CMTM8: variants seen among roughly 807,000 people sequenced by gnomAD.
CMTM8 encodes CKLF-like MARVEL transmembrane domain-containing protein 8.
CMTM8 carries 12 observed loss-of-function variants against 18.6 expected under a neutral mutation model. That is an observed-to-expected ratio of 0.65 (90% confidence interval 0.41 to 1.05). The LOEUF is 1.05. Among genes scored for constraint, CMTM8 ranks in the 50% least tolerant of loss-of-function variants. CMTM8 has a pLI of 0.00. For synonymous variants in CMTM8, 87 were observed against 90.6 expected, an observed-to-expected ratio of 0.96 and a Z score of 0.23; for missense variants, 217 against 227.2, an observed-to-expected ratio of 0.95 and a Z score of 0.29.
At chr3:32,328,232 C>T (rs962316633) in intron 1 of CMTM8, among the ~76,000 whole-genome samples, 1 of 151,804 alleles carries the variant, frequency 6.6e-6, no homozygotes, top group African/African-American at 2.4e-5. Flanking sequence ...AAAAAATTAG[C>T]CAGGTATGGT....
intron 2 of CMTM8, among the ~76,000 whole-genome samples, chr3:32,364,808 C>A (rs1250104925): frequency 6.6e-6 from 1 of 152,220 alleles, no homozygotes; most frequent in Non-Finnish European, 1.5e-5. Flanking sequence ...CATTATCCCC[C>A]ACTATCCATT....
chr3:32,259,513 C>A, intron 1 of CMTM8: 1 of 780,844 alleles, frequency 1.3e-6, no homozygotes, highest in Non-Finnish European at 2.3e-6. Context: ...TTGATGACAC[C>A]AATGTCACTC....
intron 1 of CMTM8, among the ~76,000 whole-genome samples, chr3:32,305,910 C>T (rs1406890202): frequency 6.6e-6 from 1 of 152,190 alleles, no homozygotes; most frequent in Non-Finnish European, 1.5e-5. Context: ...TAAGATATCT[C>T]ATTCAGTTCT....
chr3:32,340,448 G>A (rs184250340), intron 1 of CMTM8, among the ~76,000 whole-genome samples: 11 of 152,360 alleles, frequency 7.2e-5, no homozygotes, highest in Admixed American at 3.3e-4. Flanking sequence ...CTCCAGGAAA[G>A]AGGTATACTC....
rs79613760 is a variant in CMTM8 at position 32,336,461 on chromosome 3, G to A, written c.148-20912G>A. 6.1e-3 allele frequency among the ~76,000 whole-genome samples: 933 copies of A among 152,358 alleles called. 8 individuals are homozygous for A. The highest frequency in any genetic ancestry group is 0.021 in the African/African-American group (888 of 41,580). Reference sequence around the variant, plus strand: ...GACCTGGCTTTCAGCCAGGGCTCCAGCAGCTTTGCAGAACATGGTTTTGAA... The same window carrying A: ...GACCTGGCTTTCAGCCAGGGCTCCAACAGCTTTGCAGAACATGGTTTTGAA... On this transcript the variant is annotated intron_variant, in intron 1 of 3. Transcript: ENST00000307526.
At chr3:32,314,696 C>A (rs576824134) in intron 1 of CMTM8, among the ~76,000 whole-genome samples, 1 of 152,240 alleles carries the variant, frequency 6.6e-6, no homozygotes, top group Admixed American at 6.5e-5. Context: ...CCAGGCTGGT[C>A]TCAAACTCCT....
intron 1 of CMTM8, among the ~76,000 whole-genome samples, chr3:32,316,321 C>T (rs894082462): frequency 6.6e-6 from 1 of 152,136 alleles, no homozygotes; most frequent in African/African-American, 2.4e-5. Context: ...GCCACCACAC[C>T]CGGCCAATTC....
chr3:32,299,281 A>G (rs888468927), intron 1 of CMTM8, among the ~76,000 whole-genome samples: 1 of 152,096 alleles, frequency 6.6e-6, no homozygotes, highest in African/African-American at 2.4e-5. Flanking sequence ...AAAAGGGACC[A>G]TTGGTTTGAA....
chr3:32,284,213 A>G lies in CMTM8; in HGVS notation c.147+45094A>G, dbSNP rs528989582. 5.2e-5 allele frequency among the ~76,000 whole-genome samples: 8 copies of G among 152,386 alleles called. 1 individual carries two copies. The South Asian group carries it at 1.4e-3, about 28-fold the overall frequency. ...GGTTTCAGTGAGCAGAGATTGTGCC[A>G]CTGCACTCCAGCCTGGGCAACAGAG... On this transcript the variant is annotated intron_variant, in intron 1 of 3. Coordinates refer to ENST00000307526, the MANE Select transcript of CMTM8 (RefSeq NM_178868.5).
At chr3:32,265,743 T>C (rs1020405422) in intron 1 of CMTM8, among the ~76,000 whole-genome samples, 1 of 151,930 alleles carries the variant, frequency 6.6e-6, no homozygotes, top group African/African-American at 2.4e-5. Flanking sequence ...AAGAATCAAA[T>C]AGACGCAATA....
intron 1 of CMTM8, among the ~76,000 whole-genome samples, chr3:32,239,571 G>T (rs2125524543): frequency 6.6e-6 from 1 of 152,244 alleles, no homozygotes; most frequent in Middle Eastern, 3.4e-3. Context: ...TAGTAACATT[G>T]AGGTGAGTCA....
intron 1 of CMTM8, among the ~76,000 whole-genome samples, chr3:32,334,185 C>T (rs1696337124): frequency 6.6e-6 from 1 of 151,686 alleles, no homozygotes. Flanking sequence ...ACCATCTTGG[C>T]CAGGCTGGTC....
At chr3:32,341,769 C>T (rs1438558789) in intron 1 of CMTM8, among the ~76,000 whole-genome samples, 1 of 151,934 alleles carries the variant, frequency 6.6e-6, no homozygotes, top group Non-Finnish European at 1.5e-5. Flanking sequence ...CCCAGCTACT[C>T]TGGAGGCTGA....
chr3:32,319,121 CA>C (rs1158652620), intron 1 of CMTM8, among the ~76,000 whole-genome samples: 3 of 119,170 alleles, frequency 2.5e-5, no homozygotes, highest in African/African-American at 1.0e-4. Flanking sequence ...TCTTGTCGCC[CA>C]GGCTGGAGTG....
At chr3:32,254,325 T>C (rs1702150342) in intron 1 of CMTM8, among the ~76,000 whole-genome samples, 1 of 152,232 alleles carries the variant, frequency 6.6e-6, no homozygotes, top group Admixed American at 6.5e-5. Context: ...AAACACTTCA[T>C]GTTCTCCAAA....
At chr3:32,274,969 G>A (rs1365707317) in intron 1 of CMTM8, among the ~76,000 whole-genome samples, 1 of 152,156 alleles carries the variant, frequency 6.6e-6, no homozygotes, top group Admixed American at 6.6e-5. Flanking sequence ...GGCTTGGGAT[G>A]TCAGTGTATA....
At chr3:32,285,308 A>C (rs73067598) in intron 1 of CMTM8, among the ~76,000 whole-genome samples, 20,168 of 152,104 alleles carry the variant, frequency 0.13, 1,731 homozygotes, top group East Asian at 0.45. Flanking sequence ...TGAGGCCAGG[A>C]GTTTGAGACC....
At chr3:32,348,817 C>A (rs1696651126) in intron 1 of CMTM8, among the ~76,000 whole-genome samples, 1 of 151,998 alleles carries the variant, frequency 6.6e-6, no homozygotes, top group Non-Finnish European at 1.5e-5. Context: ...ACCTACTAAT[C>A]AGATGTTTGA....
At chr3:32,275,620 G>T (rs1372861842) in intron 1 of CMTM8, among the ~76,000 whole-genome samples, 3 of 148,194 alleles carry the variant, frequency 2.0e-5, no homozygotes, top group Non-Finnish European at 3.0e-5. Flanking sequence ...TGTGTGAGGA[G>T]CACAAAGGCC....
Sources: gnomAD v4.1 joint callset for allele counts (sites outside exome capture counted in the v4.1 genomes callset) on GRCh38, gnomAD v4.1.1 for gene constraint, MANE v1.5 for transcripts, NCBI Gene and HGNC (gene_info 2026-07-23, HGNC 2026-07-21) for gene names.